CNTNAP5: variants seen among roughly 807,000 people sequenced by gnomAD.
The protein encoded by CNTNAP5 is contactin-associated protein-like 5.
Under a neutral mutation model 150.2 loss-of-function variants are expected in CNTNAP5, and 72 were observed. The ratio of observed to expected loss-of-function variants is 0.48; its 90% CI spans 0.40 to 0.58. The LOEUF (loss-of-function observed/expected upper bound fraction) is 0.58. Ranked by LOEUF, CNTNAP5 falls within the 20% of genes least tolerant of loss-of-function variation. The probability of loss-of-function intolerance (pLI) is 0.00; values close to 1 mark genes in which losing one functional copy is unlikely to be tolerated. For missense variants in CNTNAP5, 1,636 were observed against 1,626.2 expected, an observed-to-expected ratio of 1.01 and a Z score of -0.10; for synonymous variants, 672 against 619.8, an observed-to-expected ratio of 1.08 and a Z score of -1.25.
chr2:124,770,948 T>A (rs1467587257), intron 16 of CNTNAP5, among the ~76,000 whole-genome samples: 3 of 152,210 alleles, frequency 2.0e-5, no homozygotes, highest in Non-Finnish European at 4.4e-5. Context: ...AAAACTCGCC[T>A]TAGATCACAG....
intron 3 of CNTNAP5, among the ~76,000 whole-genome samples, chr2:124,363,417 A>G (rs1690272823): frequency 6.6e-6 from 1 of 152,150 alleles, no homozygotes; most frequent in Non-Finnish European, 1.5e-5. Flanking sequence ...GTCAAACTCA[A>G]CACACCCAAA....
intron 13 of CNTNAP5, among the ~76,000 whole-genome samples, chr2:124,656,256 C>G (rs1237850971): frequency 6.6e-6 from 1 of 152,168 alleles, no homozygotes; most frequent in Non-Finnish European, 1.5e-5. Context: ...AAACCAAGCT[C>G]TTTCTAACTC....
chr2:124,818,451 C>T (rs1224389639), intron 19 of CNTNAP5, among the ~76,000 whole-genome samples: 2 of 152,078 alleles, frequency 1.3e-5, no homozygotes, highest in African/African-American at 2.4e-5. Context: ...GACTTGAGCC[C>T]AAGGGGGGTT....
intron 3 of CNTNAP5, among the ~76,000 whole-genome samples, chr2:124,390,951 C>T (rs1264540692): frequency 1.3e-5 from 2 of 152,122 alleles, no homozygotes; most frequent in Non-Finnish European, 2.9e-5. Flanking sequence ...AAAGTATTTG[C>T]GTTAGACATG....
At chr2:124,139,929 C>CA (rs1465499729) in intron 1 of CNTNAP5, among the ~76,000 whole-genome samples, 1 of 151,968 alleles carries the variant, frequency 6.6e-6, no homozygotes, top group Non-Finnish European at 1.5e-5. Context: ...CCAGTGTGTG[C>CA]GCGCACCGTG....
intron 3 of CNTNAP5, among the ~76,000 whole-genome samples, chr2:124,313,449 G>C: frequency 6.6e-6 from 1 of 152,158 alleles, no homozygotes; most frequent in East Asian, 1.9e-4. Flanking sequence ...CCCAAGAAAG[G>C]TGTGAACAGT....
intron 1 of CNTNAP5, among the ~76,000 whole-genome samples, chr2:124,166,190 C>T (rs1376285510): frequency 1.3e-5 from 2 of 152,270 alleles, no homozygotes; most frequent in African/African-American, 2.4e-5. Flanking sequence ...CATTAGCCAT[C>T]GTTCCTATGG....
chr2:124,507,417 C>T (rs1322245243), intron 8 of CNTNAP5, among the ~76,000 whole-genome samples: 1 of 152,054 alleles, frequency 6.6e-6, no homozygotes, highest in African/African-American at 2.4e-5. Context: ...CATAATCACG[C>T]CGCTGCACTC....
chr2:124,456,142 T>G (rs2420858), intron 6 of CNTNAP5, among the ~76,000 whole-genome samples: 142,201 of 152,170 alleles, frequency 0.93, 66,517 homozygotes, highest in East Asian at 1. Context: ...GTTTGCTGAT[T>G]ATATGATTGG....
At chr2:124,911,385 T>C in intron 22 of CNTNAP5, 82 bp from the exon 23 acceptor site, 1 of 962,490 alleles carries the variant, frequency 1.0e-6, no homozygotes, top group South Asian at 1.4e-5. Flanking sequence ...CACAGGTGTG[T>C]CATTCCAGGT....
At chr2:124,377,814 C>A (rs1690689351) in intron 3 of CNTNAP5, among the ~76,000 whole-genome samples, 1 of 150,980 alleles carries the variant, frequency 6.6e-6, no homozygotes, top group Admixed American at 6.6e-5. Flanking sequence ...AATTAAGTTT[C>A]AAAAAAATTC....
At chr2:124,573,968 A>G (rs1391144652) in intron 11 of CNTNAP5, among the ~76,000 whole-genome samples, 1 of 152,256 alleles carries the variant, frequency 6.6e-6, no homozygotes, top group African/African-American at 2.4e-5. Context: ...GGTATCTATT[A>G]CATATATATA....
intron 3 of CNTNAP5, among the ~76,000 whole-genome samples, chr2:124,331,299 G>A (rs775613840): frequency 2.0e-4 from 31 of 152,060 alleles, no homozygotes; most frequent in East Asian, 3.9e-4. Context: ...ATTTGTAGCC[G>A]ACAATAATTT....
chr2:124,400,456 A>G (rs1691376451), intron 3 of CNTNAP5, among the ~76,000 whole-genome samples: 1 of 151,928 alleles, frequency 6.6e-6, no homozygotes, highest in African/African-American at 2.4e-5. Flanking sequence ...CTTTGTTTCT[A>G]TTTTTCTCTT....
At chr2:124,898,781 A>G (rs1157481980) in intron 21 of CNTNAP5, among the ~76,000 whole-genome samples, 3 of 151,546 alleles carry the variant, frequency 2.0e-5, no homozygotes, top group Admixed American at 6.6e-5. Flanking sequence ...CACTGAAGCC[A>G]GGCAACAGAG....
At chr2:124,316,653 A>G (rs967625238) in intron 3 of CNTNAP5, among the ~76,000 whole-genome samples, 1 of 151,798 alleles carries the variant, frequency 6.6e-6, no homozygotes, top group African/African-American at 2.4e-5. Context: ...AAAATACAAA[A>G]AATTAGCCGG....
At chr2:124,215,877 A>G (rs913523909) in intron 1 of CNTNAP5, among the ~76,000 whole-genome samples, 2 of 152,144 alleles carry the variant, frequency 1.3e-5, no homozygotes, top group East Asian at 3.9e-4. Context: ...ACTACTACTA[A>G]TGGTTACCTG....
chr2:124,572,277 TAA>T (rs1165621173), intron 11 of CNTNAP5, among the ~76,000 whole-genome samples: 6 of 149,248 alleles, frequency 4.0e-5, no homozygotes, highest in African/African-American at 1.5e-4. Flanking sequence ...AAAGTCTTCT[TAA>T]AAGGAAACAG....
chr2:124,619,668 C>G (rs1677567367), intron 12 of CNTNAP5, among the ~76,000 whole-genome samples: 1 of 151,572 alleles, frequency 6.6e-6, no homozygotes, highest in Non-Finnish European at 1.5e-5. Flanking sequence ...CTTAATAGAA[C>G]AAACACTAAC....
Sources: allele counts gnomAD v4.1 joint callset (sites outside exome capture counted in the v4.1 genomes callset), GRCh38; gene constraint gnomAD v4.1.1; transcripts MANE v1.5; gene names NCBI Gene and HGNC (gene_info 2026-07-23, HGNC 2026-07-21).